SNX3: variants seen among roughly 807,000 people sequenced by gnomAD.
SNX3 encodes the protein sorting nexin 3, also known as sorting nexin-3.
SNX3 carries 5 observed loss-of-function variants against 17.7 expected under a neutral mutation model. That is an observed-to-expected ratio of 0.28 (90% CI 0.15 to 0.59). SNX3 has a LOEUF of 0.59. Among genes scored for constraint, SNX3 ranks in the 20% least tolerant of loss-of-function variants. The pLI is 0.88. For synonymous variants in SNX3, 91 were observed against 76.5 expected (o/e 1.19, Z -0.99); for missense variants, 132 against 206.8 (o/e 0.64, Z 2.22).
intron 2 of SNX3, among the ~76,000 whole-genome samples, chr6:108,214,930 C>T (rs1326778404): frequency 2.6e-5 from 4 of 152,214 alleles, no homozygotes; most frequent in Non-Finnish European, 4.4e-5. Context: ...TACCATGCCC[C>T]TCAGACACTT....
chr6:108,234,242 T>C (rs1236723690), intron 1 of SNX3, among the ~76,000 whole-genome samples: 1 of 151,258 alleles, frequency 6.6e-6, no homozygotes, highest in East Asian at 1.9e-4. Context: ...AAAAAACATA[T>C]ATATATATAT....
intron 1 of SNX3, among the ~76,000 whole-genome samples, chr6:108,249,286 G>A (rs893936582): frequency 6.6e-6 from 1 of 152,130 alleles, no homozygotes; most frequent in Non-Finnish European, 1.5e-5. Context: ...GCTGGGCATG[G>A]TGGCACGTGC....
At chr6:108,260,155 A>G (rs1312077945) in intron 1 of SNX3, among the ~76,000 whole-genome samples, 2 of 152,264 alleles carry the variant, frequency 1.3e-5, no homozygotes, top group Non-Finnish European at 2.9e-5. Context: ...ACCACACCTC[A>G]GCCTTTGGCA....
Position 108,260,809 on chromosome 6 carries a change from G to C in SNX3, c.113C>G (p.Thr38Arg). 2 of 1,613,922 alleles carry C rather than the reference G, an allele frequency of 1.2e-6. No homozygotes were observed. The highest frequency in any genetic ancestry group is 1.7e-6 in the Non-Finnish European group (2 of 1,179,888). The change falls in exon 1 of 4, where the codon ACG (threonine) becomes AGG (arginine). Residue 38 changes from threonine to arginine, a missense_variant. Physicochemically the swap from Thr to Arg is moderately conservative, Grantham distance 71 (BLOSUM62 -1). Coordinates refer to ENST00000230085, the MANE Select transcript of SNX3 (RefSeq NM_003795.6). ...GAAGCGGCCCCGGCCGACCCCCACC[G>C]TTTGCGGGTTGCTCACATCGATCTC... ...FLEIDVSNPQ[T>R]VGVGRGRFTT... is the part of the protein sequence containing the mutation.
intron 1 of SNX3, among the ~76,000 whole-genome samples, chr6:108,229,012 C>A (rs1300731398): frequency 1.3e-5 from 2 of 152,056 alleles, no homozygotes; most frequent in Non-Finnish European, 2.9e-5. Flanking sequence ...ATAATCCCAG[C>A]ACTTTGGGAG....
At chr6:108,219,989 T>C (rs1442832919) in intron 2 of SNX3, among the ~76,000 whole-genome samples, 1 of 152,176 alleles carries the variant, frequency 6.6e-6, no homozygotes, top group African/African-American at 2.4e-5. Context: ...TATTTGTGAC[T>C]TAATTTTTAA....
At chr6:108,222,410 G>A in intron 2 of SNX3, 1 of 1,224,594 alleles carries the variant, frequency 8.2e-7, no homozygotes, top group Non-Finnish European at 1.1e-6. Flanking sequence ...GATCAGGCAT[G>A]TAACAGTGTT....
intron 1 of SNX3, among the ~76,000 whole-genome samples, chr6:108,236,002 A>G (rs1409472201): frequency 6.6e-6 from 1 of 152,216 alleles, no homozygotes; most frequent in Non-Finnish European, 1.5e-5. Flanking sequence ...TTCCTCAATA[A>G]TACAGAAAAG....
At chr6:108,220,605 A>G (rs1774733482) in intron 2 of SNX3, among the ~76,000 whole-genome samples, 1 of 152,192 alleles carries the variant, frequency 6.6e-6, no homozygotes, top group South Asian at 2.1e-4. Context: ...AAATCACCTA[A>G]GGATGCATTT....
At chr6:108,247,374 T>C (rs1033047316) in intron 1 of SNX3, among the ~76,000 whole-genome samples, 3 of 152,078 alleles carry the variant, frequency 2.0e-5, no homozygotes, top group African/African-American at 7.2e-5. Context: ...ATCTAGGATG[T>C]ATTTTTTGAG....
chr6:108,222,345 G>A lies in SNX3; in HGVS notation c.258+605C>T, dbSNP rs1774813761. 3.8e-6 allele frequency: 5 copies of A among 1,302,970 alleles called. No individual in the cohort carries two copies. The South Asian group carries it at 6.2e-5, about 16-fold the overall frequency. 80.7% of individuals were successfully genotyped at this position (1,302,970 alleles called of 1,614,324 possible). On this transcript the variant is annotated intron_variant, in intron 2 of 3. Coordinates refer to ENST00000230085, the MANE Select transcript of SNX3 (RefSeq NM_003795.6). ...GCTGAAATGAGAGACACCAGAGTGA[G>A]ACCTTGCTTTAATTTATTTTGATGC...
At position 108,236,383 on chromosome 6, in the gene SNX3, T is replaced by G. The variant is rs867576503; in HGVS notation, c.163-13338A>C. Among the ~76,000 whole-genome samples, 774 of 132,980 alleles carry G rather than the reference T, an allele frequency of 5.8e-3. 3 individuals carry two copies. Among genetic ancestry groups the G allele is most frequent in the Non-Finnish European group, 8.5e-3 (536 of 63,068 alleles). 87.2% of individuals were successfully genotyped at this position (132,980 alleles called of 152,430 possible). A position where few individuals can be genotyped will look rare whatever the true frequency, so the allele number is the denominator to read the frequency against. On this transcript the variant is annotated intron_variant, in intron 1 of 3. Coordinates refer to ENST00000230085, the MANE Select transcript of SNX3 (RefSeq NM_003795.6). Reference sequence around the variant, plus strand: ...CCACCTATATTATTATTATTATTTTTTTTTTTTTTTTTTTTTTTGAGACGG... The same window carrying G: ...CCACCTATATTATTATTATTATTTTGTTTTTTTTTTTTTTTTTTGAGACGG...
chr6:108,253,999 C>T (rs1243256737), intron 1 of SNX3, among the ~76,000 whole-genome samples: 2 of 151,862 alleles, frequency 1.3e-5, no homozygotes, highest in East Asian at 1.9e-4. Context: ...TGGTGGCAGG[C>T]ACCTGTAGTC....
At chr6:108,259,053 A>G (rs768077095) in intron 1 of SNX3, among the ~76,000 whole-genome samples, 35 of 152,182 alleles carry the variant, frequency 2.3e-4, no homozygotes, top group Non-Finnish European at 4.4e-4. Context: ...AGAAAAAAAA[A>G]GAAAATACTA....
intron 1 of SNX3, among the ~76,000 whole-genome samples, chr6:108,246,622 A>G (rs1326852193): frequency 1.3e-5 from 2 of 151,422 alleles, no homozygotes; most frequent in East Asian, 3.9e-4. Context: ...GAGACACTGT[A>G]TCTCCTGCCT....
chr6:108,218,030 A>G (rs1049636560), intron 2 of SNX3, among the ~76,000 whole-genome samples: 7 of 152,338 alleles, frequency 4.6e-5, no homozygotes, highest in African/African-American at 1.7e-4. Flanking sequence ...ACATGGATTT[A>G]ACTCTCAATA....
At chr6:108,218,408 G>A (rs1399556032) in intron 2 of SNX3, among the ~76,000 whole-genome samples, 1 of 152,180 alleles carries the variant, frequency 6.6e-6, no homozygotes. Flanking sequence ...GAGAAAAGTA[G>A]AACCTCACAT....
chr6:108,217,312 A>G (rs1774619302), intron 2 of SNX3, among the ~76,000 whole-genome samples: 1 of 152,084 alleles, frequency 6.6e-6, no homozygotes, highest in Non-Finnish European at 1.5e-5. Context: ...CACTCTTCCT[A>G]ACATATTCAA....
At chr6:108,238,174 T>C (rs1775409592) in intron 1 of SNX3, among the ~76,000 whole-genome samples, 1 of 149,094 alleles carries the variant, frequency 6.7e-6, no homozygotes, top group African/African-American at 2.5e-5. Flanking sequence ...AAAAAGAATC[T>C]ACCATGAACT....
Sources: gnomAD v4.1 joint callset for allele counts (sites outside exome capture counted in the v4.1 genomes callset) on GRCh38, gnomAD v4.1.1 for gene constraint, MANE v1.5 for transcripts, NCBI Gene and HGNC (gene_info 2026-07-23, HGNC 2026-07-21) for gene names.